Variants in ANP32B observed in about 807,000 individuals in gnomAD.
ANP32B encodes the protein acidic leucine-rich nuclear phosphoprotein 32 family member B.
ANP32B carries 6 observed loss-of-function variants against 32.2 expected under a neutral mutation model. That is an observed-to-expected ratio of 0.19 (90% CI 0.10 to 0.37). ANP32B has a LOEUF of 0.37. Ranked by LOEUF, ANP32B falls within the 10% of genes least tolerant of loss-of-function variation. The pLI is 1.00. For synonymous variants in ANP32B, 98 were observed against 105.8 expected, an observed-to-expected ratio of 0.93 and a Z score of 0.45; for missense variants, 204 against 289.2, an observed-to-expected ratio of 0.71 and a Z score of 2.14.
intron 3 of ANP32B, among the ~76,000 whole-genome samples, chr9:98,001,502 A>G (rs1431925324): frequency 6.6e-6 from 1 of 152,056 alleles, no homozygotes; most frequent in Non-Finnish European, 1.5e-5. Context: ...TTCTCTTTTA[A>G]TTTTTAAAGA....
chr9:97,984,174 A>G (rs1301556613), intron 1 of ANP32B, among the ~76,000 whole-genome samples: 1 of 149,414 alleles, frequency 6.7e-6, no homozygotes, highest in Admixed American at 6.6e-5. Context: ...TTTCTTTTGA[A>G]GGGAGCGAGA....
At chr9:98,004,220 G>A (rs922867256) in intron 3 of ANP32B, among the ~76,000 whole-genome samples, 3 of 152,132 alleles carry the variant, frequency 2.0e-5, no homozygotes, top group African/African-American at 4.8e-5. Context: ...TGAAACTGAT[G>A]GTTCCAAAGA....
intron 1 of ANP32B, among the ~76,000 whole-genome samples, chr9:97,986,227 A>G (rs550629684): frequency 4.1e-4 from 63 of 152,354 alleles, no homozygotes; most frequent in African/African-American, 1.5e-3. Flanking sequence ...TCCACATTTC[A>G]AGTGCTCAGA....
chr9:98,012,353 AT>A, intron 5 of ANP32B, 67 bp from the exon 6 acceptor site: 1 of 1,554,944 alleles, frequency 6.4e-7, no homozygotes, highest in South Asian at 1.2e-5. Context: ...GTTTGGCAGA[AT>A]TTGTACTATA....
In ANP32B at chr9:97,990,814, C is replaced by CTTT. The variant is rs34489949; in HGVS notation, c.55-3796_55-3794dup. Among the ~76,000 whole-genome samples, 232 of 98,874 alleles carry CTTT rather than the reference C, an allele frequency of 2.3e-3. 1 individual carries two copies. The highest frequency in any genetic ancestry group is 0.015 in the South Asian group (37 of 2,484). The allele number at this position is 98,874 out of a possible 152,430, so 64.9% of individuals were successfully genotyped here. Reference sequence around the variant, plus strand: ...GCACTTTTACTGCTTACAGTTGAACCTTTTTTTTTTTTTTTTTTTTTTTGA... The same window carrying CTTT: ...GCACTTTTACTGCTTACAGTTGAACCTTTTTTTTTTTTTTTTTTTTTTTTTTGA... On this transcript the variant is annotated intron_variant, in intron 1 of 6. Coordinates refer to ENST00000339399, the MANE Select transcript of ANP32B (RefSeq NM_006401.3).
intron 2 of ANP32B, among the ~76,000 whole-genome samples, chr9:97,997,829 A>G (rs10124522): frequency 0.24 from 36,366 of 152,080 alleles, 4,710 homozygotes; most frequent in Non-Finnish European, 0.3. Flanking sequence ...CTTCTACTCT[A>G]AGATTCTAAT....
chr9:98,000,897 G>A (rs1372983637), intron 3 of ANP32B, among the ~76,000 whole-genome samples: 1 of 150,402 alleles, frequency 6.6e-6, no homozygotes, highest in Admixed American at 6.6e-5. Flanking sequence ...ACTCCAGCCT[G>A]GGTGACAGAA....
chr9:98,005,645 G>C (rs1459861676), intron 4 of ANP32B, among the ~76,000 whole-genome samples: 1 of 152,176 alleles, frequency 6.6e-6, no homozygotes, highest in Non-Finnish European at 1.5e-5. Flanking sequence ...TATTTCATAA[G>C]CACCTGGCCT....
At chr9:98,002,029 A>C (rs1327742041) in intron 3 of ANP32B, among the ~76,000 whole-genome samples, 1 of 152,288 alleles carries the variant, frequency 6.6e-6, no homozygotes, top group East Asian at 1.9e-4. Flanking sequence ...CCATTCTGCT[A>C]TACTTGGCAC....
intron 3 of ANP32B, among the ~76,000 whole-genome samples, chr9:98,002,745 C>G (rs541106381): frequency 3.3e-5 from 5 of 152,206 alleles, no homozygotes; most frequent in Admixed American, 2.6e-4. Context: ...ACAGGAGAGC[C>G]TTGGAGGCCC....
At chr9:98,011,206 C>T (rs1828177305) in intron 4 of ANP32B, 65 bp from the exon 5 acceptor site, 1 of 1,516,424 alleles carries the variant, frequency 6.6e-7, no homozygotes. Context: ...CCCACAGATC[C>T]TCAACACTTT....
chr9:97,992,421 C>T (rs16925999), intron 1 of ANP32B, among the ~76,000 whole-genome samples: 11,069 of 152,140 alleles, frequency 0.073, 1,283 homozygotes, highest in African/African-American at 0.25. Context: ...GCATTTGAGT[C>T]CTGTGATACT....
At chr9:97,996,493 T>C (rs1827907834) in intron 2 of ANP32B, among the ~76,000 whole-genome samples, 1 of 152,326 alleles carries the variant, frequency 6.6e-6, no homozygotes, top group African/African-American at 2.4e-5. Context: ...TCACTTCCCT[T>C]ATAGGGCTAA....
chr9:98,005,037 G>A lies in ANP32B; in HGVS notation c.401G>A (p.Ser134Asn). ...ACCAACCTGAATGACTACCGAGAGA[G>A]TGTCTTCAAGCTCCTGCCCCAGCTT... is the stretch of plus-strand genomic sequence containing the variant. Reference protein sequence around the residue: ...EVTNLNDYRESVFKLLPQLTY... With the variant: ...EVTNLNDYRENVFKLLPQLTY... The change falls in exon 4 of 7, where the codon AGT becomes AAT. Residue 134 changes from serine to asparagine, a missense_variant. By Grantham distance (46) the Ser-to-Asn change is conservative. Transcript: ENST00000339399. 1 of 1,614,120 alleles carries A rather than the reference G, an allele frequency of 6.2e-7. No homozygotes were observed.
At chr9:98,005,313 G>T (rs1006291343) in intron 4 of ANP32B, 160 bp downstream of exon 4, 12 of 567,020 alleles carry the variant, frequency 2.1e-5, no homozygotes, top group Middle Eastern at 3.8e-4. Flanking sequence ...TTTGAGACTA[G>T]CCTGGGCAAC....
At chr9:98,008,109 T>C (rs1165860643) in intron 4 of ANP32B, among the ~76,000 whole-genome samples, 1 of 152,114 alleles carries the variant, frequency 6.6e-6, no homozygotes, top group Non-Finnish European at 1.5e-5. Context: ...GTCCATTAGC[T>C]AGTTTTCCTG....
rs573469634 is a variant in ANP32B at position 97,995,113 on chromosome 9, G to A, written c.204+333G>A. Reference sequence around the variant, plus strand: ...GTGTTGAGTAATTTATTTGTTAATTGTTATAAAAACAATTCTCTATCCTTT... The same window carrying A: ...GTGTTGAGTAATTTATTTGTTAATTATTATAAAAACAATTCTCTATCCTTT... On this transcript the variant is annotated intron_variant, in intron 2 of 6. Transcript: ENST00000339399. Among the ~76,000 whole-genome samples, 11 of 152,262 alleles carry A rather than the reference G, an allele frequency of 7.2e-5. No homozygotes were observed. The South Asian group carries it at 2.1e-3, about 29-fold the overall frequency.
intron 1 of ANP32B, among the ~76,000 whole-genome samples, chr9:97,985,124 C>T (rs1264595184): frequency 1.3e-5 from 2 of 151,388 alleles, no homozygotes; most frequent in Non-Finnish European, 3.0e-5. Context: ...GGTGCCCCAG[C>T]GGGCCAGTGG....
chr9:98,011,221 C>G, intron 4 of ANP32B, 50 bp from the exon 5 acceptor site: 1 of 1,538,180 alleles, frequency 6.5e-7, no homozygotes. Context: ...CACTTTGTCC[C>G]CTGTGGAGCG....
Sources: gnomAD v4.1 joint callset for allele counts (sites outside exome capture counted in the v4.1 genomes callset) on GRCh38, gnomAD v4.1.1 for gene constraint, MANE v1.5 for transcripts, NCBI Gene and HGNC (gene_info 2026-07-23, HGNC 2026-07-21) for gene names.